FNDC3A: variants seen among roughly 807,000 people sequenced by gnomAD.
FNDC3A encodes fibronectin type III domain containing 3A.
Under a neutral mutation model 148.9 loss-of-function variants are expected in FNDC3A, and 32 were observed. The observed-to-expected ratio is 0.21, with a 90% CI of 0.16 to 0.29. FNDC3A has a LOEUF of 0.29. FNDC3A is among the 10% of genes least tolerant of loss of function. The pLI is 1.00. For synonymous variants in FNDC3A, 472 were observed against 473.6 expected, an observed-to-expected ratio of 1.00 and a Z score of 0.04; for missense variants, 1,191 against 1,452.8, an observed-to-expected ratio of 0.82 and a Z score of 2.93.
intron 4 of FNDC3A, among the ~76,000 whole-genome samples, chr13:49,130,766 TTTTTA>T (rs142639602): frequency 0.023 from 3,432 of 152,228 alleles, 138 homozygotes; most frequent in African/African-American, 0.077. Context: ...TACTCTTACA[TTTTTA>T]TTTTATTTTA....
chr13:49,074,907 A>T (rs1593553726), intron 2 of FNDC3A, among the ~76,000 whole-genome samples: 1 of 152,204 alleles, frequency 6.6e-6, no homozygotes, highest in Admixed American at 6.5e-5. Flanking sequence ...ATACTAATTC[A>T]GATATGCTCA....
intron 3 of FNDC3A, among the ~76,000 whole-genome samples, chr13:49,111,578 T>C (rs564325195): frequency 5.9e-5 from 9 of 151,954 alleles, no homozygotes; most frequent in Admixed American, 3.9e-4. Flanking sequence ...ATACAAAAAT[T>C]AGCCGGGCGT....
intron 1 of FNDC3A, among the ~76,000 whole-genome samples, chr13:48,990,694 G>A (rs1336222513): frequency 1.3e-5 from 2 of 151,822 alleles, no homozygotes; most frequent in African/African-American, 4.8e-5. Flanking sequence ...CCCAGGAGGC[G>A]GAGATTGCAG....
chr13:49,102,621 T>C lies in FNDC3A; in HGVS notation c.176-12034T>C, dbSNP rs1190991912. Among the ~76,000 whole-genome samples the C allele has an allele frequency of 2.0e-5, 3 of 152,308 alleles. No individual in the cohort carries two copies. In the East Asian group the frequency reaches 5.8e-4, roughly 29 times the overall value. ...CGTGGTCACTACATTCAAGGACCTTTTGGTTATAGTGAGGACAATACAGGA... is the reference window on the plus strand; with the variant it reads ...CGTGGTCACTACATTCAAGGACCTTCTGGTTATAGTGAGGACAATACAGGA... On this transcript the variant is annotated intron_variant, in intron 3 of 25. Transcript: ENST00000492622.
chr13:49,204,616 T>C (rs1384160055), intron 25 of FNDC3A, among the ~76,000 whole-genome samples: 1 of 152,190 alleles, frequency 6.6e-6, no homozygotes, highest in East Asian at 1.9e-4. Flanking sequence ...GGAAGCAAAA[T>C]TAATATTAAA....
At chr13:49,146,827 T>C (rs1180898825) in intron 8 of FNDC3A, 1 of 152,234 alleles carries the variant, frequency 6.6e-6, no homozygotes, top group Non-Finnish European at 1.5e-5. Context: ...AGTTTTGAAA[T>C]AAATTATTCT....
chr13:49,166,232 C>G (rs770381324), intron 8 of FNDC3A, among the ~76,000 whole-genome samples: 3 of 152,148 alleles, frequency 2.0e-5, no homozygotes, highest in Non-Finnish European at 2.9e-5. Flanking sequence ...CTGCAGCAGC[C>G]CACAGCTGCA....
intron 2 of FNDC3A, among the ~76,000 whole-genome samples, chr13:49,036,409 A>T (rs920045922): frequency 2.0e-5 from 3 of 152,214 alleles, no homozygotes; most frequent in African/African-American, 7.2e-5. Flanking sequence ...CAGACAGCAC[A>T]AATGCTATAG....
intron 7 of FNDC3A, among the ~76,000 whole-genome samples, chr13:49,145,082 C>T (rs1343056036): frequency 6.6e-6 from 1 of 151,996 alleles, no homozygotes; most frequent in African/African-American, 2.4e-5. Context: ...TATTTGTATA[C>T]ATATGTTAAG....
chr13:49,130,847 C>T (rs1439851282), intron 4 of FNDC3A, among the ~76,000 whole-genome samples: 1 of 152,178 alleles, frequency 6.6e-6, no homozygotes, highest in Admixed American at 6.5e-5. Flanking sequence ...CGGCTCACTG[C>T]AACCTCCACC....
At chr13:49,098,651 G>A (rs1432146384) in intron 3 of FNDC3A, among the ~76,000 whole-genome samples, 1 of 152,044 alleles carries the variant, frequency 6.6e-6, no homozygotes, top group Non-Finnish European at 1.5e-5. Flanking sequence ...GCTAAAGGTA[G>A]ATTCTAACCA....
intron 1 of FNDC3A, among the ~76,000 whole-genome samples, chr13:48,979,527 C>T (rs1049182736): frequency 5.3e-5 from 8 of 151,808 alleles, no homozygotes; most frequent in African/African-American, 1.9e-4. Flanking sequence ...GAAATTGGGA[C>T]GAAGAAAGAA....
Position 49,089,496 on chromosome 13 carries a change from C to T in FNDC3A, c.175+14132C>T, listed in dbSNP as rs531308001. 2.0e-4 allele frequency among the ~76,000 whole-genome samples: 30 copies of T among 152,214 alleles called. No homozygotes were observed. The South Asian group carries it at 6.0e-3, about 31-fold the overall frequency. Reference sequence around the variant, plus strand: ...CAAGTGAGTCCTTATGAAAAGAGGGCCTTTCTGGAAGAGATTTGAAGCATG... The same window carrying T: ...CAAGTGAGTCCTTATGAAAAGAGGGTCTTTCTGGAAGAGATTTGAAGCATG... On this transcript the variant is annotated intron_variant, in intron 3 of 25. Coordinates refer to ENST00000492622, the MANE Select transcript of FNDC3A (RefSeq NM_001079673.2).
chr13:49,091,359 A>G (rs554013289), intron 3 of FNDC3A, among the ~76,000 whole-genome samples: 1 of 151,990 alleles, frequency 6.6e-6, no homozygotes, highest in South Asian at 2.1e-4. Flanking sequence ...AAAAAAAACA[A>G]CTCCTGGGGC....
At chr13:48,998,370 G>GGAAA (rs767725017) in intron 1 of FNDC3A, among the ~76,000 whole-genome samples, 9 of 152,098 alleles carry the variant, frequency 5.9e-5, no homozygotes, top group Non-Finnish European at 1.3e-4. Context: ...TGCTACAAGT[G>GGAAA]GAAAATTCCA....
intron 7 of FNDC3A, among the ~76,000 whole-genome samples, chr13:49,142,649 T>C (rs932516205): frequency 2.0e-5 from 3 of 152,190 alleles, no homozygotes; most frequent in African/African-American, 7.2e-5. Flanking sequence ...ATTTTAAAAA[T>C]ACATATGAAC....
At chr13:49,067,966 A>T (rs1385884608) in intron 2 of FNDC3A, among the ~76,000 whole-genome samples, 1 of 152,060 alleles carries the variant, frequency 6.6e-6, no homozygotes, top group Non-Finnish European at 1.5e-5. Context: ...AGAACCATAG[A>T]TTTGTTAGAA....
At chr13:49,158,033 C>T (rs1482839404) in intron 8 of FNDC3A, among the ~76,000 whole-genome samples, 2 of 152,042 alleles carry the variant, frequency 1.3e-5, no homozygotes, top group Admixed American at 6.5e-5. Flanking sequence ...CTTCCTGGAG[C>T]TGTGGTGGGC....
At chr13:49,064,643 A>G (rs1241937331) in intron 2 of FNDC3A, among the ~76,000 whole-genome samples, 1 of 152,112 alleles carries the variant, frequency 6.6e-6, no homozygotes, top group African/African-American at 2.4e-5. Context: ...AGTGGCGCAG[A>G]CACAGTCAGT....
Sources: gnomAD v4.1 joint callset for allele counts (sites outside exome capture counted in the v4.1 genomes callset) on GRCh38, gnomAD v4.1.1 for gene constraint, MANE v1.5 for transcripts, NCBI Gene and HGNC (gene_info 2026-07-23, HGNC 2026-07-21) for gene names.